Variants in SLC35D4 observed in about 807,000 individuals in gnomAD.
The protein encoded by SLC35D4 is UDP-N-acetylglucosamine transporter SLC35D4.
chr18:23,253,798 C>T, the SLC35D4 span: 1 of 1,614,242 alleles, frequency 6.2e-7, no homozygotes, highest in South Asian at 1.1e-5. Flanking sequence ...TGGCCATGGC[C>T]TTCGTCTACT....
At chr18:23,324,758 C>A in the SLC35D4 span, among the ~76,000 whole-genome samples, 1 of 152,140 alleles carries the variant, frequency 6.6e-6, no homozygotes, top group African/African-American at 2.4e-5. Flanking sequence ...GAAGGGCAGT[C>A]TACGGAGGGG....
chr18:23,377,546 G>T, the SLC35D4 span: 5 of 1,116,578 alleles, frequency 4.5e-6, no homozygotes, highest in East Asian at 1.4e-4. Flanking sequence ...AAATTCTTCT[G>T]CCACCTCTTA....
the SLC35D4 span, among the ~76,000 whole-genome samples, chr18:23,404,992 C>CAAAAA: frequency 6.7e-5 from 3 of 44,478 alleles, no homozygotes; most frequent in Non-Finnish European, 1.3e-4. Context: ...GACTCCGTCT[C>CAAAAA]AAAAAAAAAA....
At chr18:23,310,825 G>T in the SLC35D4 span, among the ~76,000 whole-genome samples, 1 of 152,162 alleles carries the variant, frequency 6.6e-6, no homozygotes, top group African/African-American at 2.4e-5. Context: ...AACATGGTGA[G>T]ATTTTGGAAC....
At chr18:23,303,423 C>G in the SLC35D4 span, among the ~76,000 whole-genome samples, 1 of 150,746 alleles carries the variant, frequency 6.6e-6, no homozygotes, top group Admixed American at 6.6e-5. Context: ...TGAAACAGCC[C>G]AGAGACAGCC....
chr18:23,286,249 CT>C, the SLC35D4 span, among the ~76,000 whole-genome samples: 1 of 152,200 alleles, frequency 6.6e-6, no homozygotes, highest in East Asian at 1.9e-4. Context: ...CACACAAGAA[CT>C]TCCAAACACC....
chr18:23,363,841 G>T, the SLC35D4 span, among the ~76,000 whole-genome samples: 7 of 152,154 alleles, frequency 4.6e-5, no homozygotes, highest in African/African-American at 1.7e-4. Flanking sequence ...TGGCTTCACA[G>T]GACTTATTAT....
chr18:23,371,923 C>CTTATTTTTTTTTTTT, the SLC35D4 span, among the ~76,000 whole-genome samples: 4 of 111,570 alleles, frequency 3.6e-5, no homozygotes, highest in Admixed American at 1.2e-4. Context: ...TTATTTCTTC[C>CTTATTTTTTTTTTTT]TTGTTTTTTT....
chr18:23,257,289 A>G, the SLC35D4 span: 1 of 1,613,854 alleles, frequency 6.2e-7, no homozygotes, highest in Non-Finnish European at 8.5e-7. Flanking sequence ...TCCCGGTGTT[A>G]GTGGCCTTGG....
the SLC35D4 span, among the ~76,000 whole-genome samples, chr18:23,385,889 T>G: frequency 1.3e-5 from 2 of 152,016 alleles, no homozygotes; most frequent in South Asian, 4.2e-4. Flanking sequence ...CCCAGCACTT[T>G]GGGAGGCCGA....
At chr18:23,403,461 C>T in the SLC35D4 span, among the ~76,000 whole-genome samples, 1 of 152,140 alleles carries the variant, frequency 6.6e-6, no homozygotes, top group African/African-American at 2.4e-5. Context: ...GTGCAAGGGA[C>T]ACGACATTCC....
the SLC35D4 span, among the ~76,000 whole-genome samples, chr18:23,289,797 G>A: frequency 6.6e-6 from 1 of 152,098 alleles, no homozygotes; most frequent in Admixed American, 6.5e-5. Context: ...ATTATCTTGT[G>A]AAATTCCTTC....
At chr18:23,339,182 CA>C in the SLC35D4 span, among the ~76,000 whole-genome samples, 7 of 152,208 alleles carry the variant, frequency 4.6e-5, no homozygotes, top group Admixed American at 4.6e-4. Context: ...TGAGCCACCA[CA>C]CCTAGCCTAT....
the SLC35D4 span, among the ~76,000 whole-genome samples, chr18:23,424,831 G>A: frequency 3.2e-4 from 49 of 152,140 alleles, no homozygotes; most frequent in Non-Finnish European, 5.3e-4. Flanking sequence ...TCCAGCCTGG[G>A]TGACAGAGAG....
chr18:23,362,586 G>A, the SLC35D4 span, among the ~76,000 whole-genome samples: 8 of 152,032 alleles, frequency 5.3e-5, no homozygotes, highest in Non-Finnish European at 7.4e-5. Flanking sequence ...GCAACAGAGC[G>A]AGACTCTGTC....
the SLC35D4 span, among the ~76,000 whole-genome samples, chr18:23,378,995 G>A: frequency 1.3e-5 from 2 of 152,312 alleles, no homozygotes; most frequent in Non-Finnish European, 2.9e-5. Flanking sequence ...CACAGGACGC[G>A]AGGCCAACCG....
chr18:23,288,270 G>A, the SLC35D4 span, among the ~76,000 whole-genome samples: 6 of 151,958 alleles, frequency 3.9e-5, no homozygotes, highest in Non-Finnish European at 7.4e-5. Context: ...AGGCCTAATC[G>A]CCACACACCA....
chr18:23,436,561 G>A, the SLC35D4 span, among the ~76,000 whole-genome samples: 1 of 152,068 alleles, frequency 6.6e-6, no homozygotes, highest in African/African-American at 2.4e-5. Context: ...GGAAGGCTGA[G>A]GCATGCGGAT....
chr18:23,370,331 C>T, the SLC35D4 span: 1 of 1,517,320 alleles, frequency 6.6e-7, no homozygotes, highest in Non-Finnish European at 9.0e-7. Flanking sequence ...TGTCCGGGGA[C>T]ACACAAAATC....
Sources: allele counts gnomAD v4.1 joint callset (sites outside exome capture counted in the v4.1 genomes callset), GRCh38; gene constraint gnomAD v4.1.1; transcripts MANE v1.5; gene names NCBI Gene and HGNC (gene_info 2026-07-23, HGNC 2026-07-21).